OTOF: variants seen among roughly 807,000 people sequenced by gnomAD.
OTOF encodes fer-1-like family member 2.
In OTOF, 218 loss-of-function variants were observed where a neutral mutation model predicts 236.8. The ratio of observed to expected loss-of-function variants is 0.92; its 90% CI spans 0.82 to 1.03. The LOEUF is 1.03. Ranked by LOEUF, OTOF falls within the 50% of genes least tolerant of loss-of-function variation. OTOF has a pLI of 0.00. For synonymous variants in OTOF, 1,041 were observed against 1,072.5 expected, an observed-to-expected ratio of 0.97 and a Z score of 0.57; for missense variants, 2,590 against 2,694.4, an observed-to-expected ratio of 0.96 and a Z score of 0.86.
intron 2 of OTOF, among the ~76,000 whole-genome samples, chr2:26,529,561 G>A (rs1666890509): frequency 6.6e-6 from 1 of 152,114 alleles, no homozygotes; most frequent in African/African-American, 2.4e-5. Context: ...TCGGGAGGAG[G>A]CTTCTGTGAG....
chr2:26,518,876 G>A (rs1666602327), intron 4 of OTOF, 134 bp downstream of exon 4: 2 of 726,482 alleles, frequency 2.8e-6, no homozygotes, highest in Middle Eastern at 2.3e-4. Context: ...AGTCTGACCT[G>A]AGTCTCCTCC....
chr2:26,558,662 C>T lies in OTOF; in HGVS notation c.-91G>A, dbSNP rs139010880. On this transcript the variant is annotated 5_prime_UTR_variant, in exon 1 of 47. Transcript: ENST00000272371. Reference sequence around the variant, plus strand: ...GCTCACACGCCTCTCTCTTCTCTGCCGCTGCCTCCTCCTCCTCCTCCCGAC... The same window carrying T: ...GCTCACACGCCTCTCTCTTCTCTGCTGCTGCCTCCTCCTCCTCCTCCCGAC... The T allele has an allele frequency of 4.7e-4, 538 of 1,136,586 alleles. 2 individuals are homozygous for T. In the African/African-American group the frequency reaches 6.6e-3, roughly 14 times the overall value. The allele number at this position is 1,136,586 out of a possible 1,614,324, so 70.4% of individuals were successfully genotyped here.
chr2:26,460,456 C>T lies in OTOF; in HGVS notation c.5813+191G>A, dbSNP rs1426830027. On this transcript the variant is annotated intron_variant, in intron 45 of 46. Transcript: ENST00000272371. This position sits in a 1 kb window ranked among gnomAD's most constrained non-coding sequence, Gnocchi z 5.3. ...CTTTCCCAGGGAAGGTCCTGCTCTC[C>T]AGTATTCCTAGCCCATCCTCTGGTT... Among the ~76,000 whole-genome samples the T allele has an allele frequency of 1.3e-5, 2 of 152,208 alleles. No individual in the cohort carries two copies. The highest frequency in any genetic ancestry group is 4.8e-5 in the African/African-American group (2 of 41,462).
intron 31 of OTOF, 55 bp downstream of exon 31, chr2:26,471,066 A>G (rs1259947646): frequency 6.2e-7 from 1 of 1,603,008 alleles, no homozygotes; most frequent in African/African-American, 1.3e-5. Flanking sequence ...GCCTGACATC[A>G]TTGCCAATAA....
chr2:26,508,172 C>T (rs1333813540), intron 5 of OTOF, among the ~76,000 whole-genome samples: 1 of 152,148 alleles, frequency 6.6e-6, no homozygotes, highest in Admixed American at 6.6e-5. Context: ...TAGCTCAGGC[C>T]TCAGGTAATC....
chr2:26,484,000 G>A (rs1022139968), intron 12 of OTOF, among the ~76,000 whole-genome samples: 10 of 152,140 alleles, frequency 6.6e-5, no homozygotes, highest in African/African-American at 2.4e-4. Context: ...CGTATCTTTT[G>A]TTTCGTAGAC....
At chr2:26,489,798 A>T in intron 9 of OTOF, 58 bp from the exon 10 acceptor site, 1 of 1,343,352 alleles carries the variant, frequency 7.4e-7, no homozygotes, top group Non-Finnish European at 1.1e-6. Context: ...CAGCCCAGGC[A>T]GTGTTGGGCC....
chr2:26,486,941 G>C (rs1480617405), intron 11 of OTOF, among the ~76,000 whole-genome samples: 1 of 152,194 alleles, frequency 6.6e-6, no homozygotes, highest in Non-Finnish European at 1.5e-5. Context: ...AGCTGGGGAA[G>C]TTGCTGCATC....
chr2:26,461,557 C>T lies in OTOF; in HGVS notation c.5533+139G>A, dbSNP rs1001557371. The T allele has an allele frequency of 3.5e-5, 42 of 1,196,648 alleles. No homozygotes were observed. The Admixed American group carries it at 3.9e-4, about 11-fold the overall frequency. The allele number at this position is 1,196,648 out of a possible 1,614,324, so 74.1% of individuals were successfully genotyped here. ...TGGGTCCTTGGGGGCGGAACCCCGT[C>T]GGACACCCCTGGCTCTGATGGACTG... On this transcript the variant is annotated intron_variant, in intron 43 of 46. Transcript: ENST00000272371. The surrounding 1 kb of genome is among the most constrained non-coding windows in gnomAD (Gnocchi z 6.2).
intron 9 of OTOF, among the ~76,000 whole-genome samples, chr2:26,490,324 G>A (rs76633553): frequency 0.021 from 3,221 of 152,338 alleles, 121 homozygotes; most frequent in African/African-American, 0.073. Flanking sequence ...AATTCAGAGA[G>A]GTGAAACTGT....
intron 1 of OTOF, among the ~76,000 whole-genome samples, chr2:26,549,028 C>T (rs1035998885): frequency 6.6e-6 from 1 of 152,132 alleles, no homozygotes; most frequent in African/African-American, 2.4e-5. Context: ...TACAATTTTA[C>T]ACTTTTCTTC....
At chr2:26,500,428 G>A (rs1666088656) in intron 8 of OTOF, among the ~76,000 whole-genome samples, 1 of 152,168 alleles carries the variant, frequency 6.6e-6, no homozygotes, top group Non-Finnish European at 1.5e-5. Flanking sequence ...ACCTGAGTTG[G>A]GGTCGTTGTT....
intron 4 of OTOF, among the ~76,000 whole-genome samples, chr2:26,517,559 C>A (rs1315571770): frequency 1.3e-5 from 2 of 152,158 alleles, no homozygotes; most frequent in Non-Finnish European, 2.9e-5. Context: ...GAGCTGGGAT[C>A]TGAGCCCAGG....
rs143608910 is a variant in OTOF, at chr2:26,460,033, C to G, written c.5986G>C (p.Gly1996Arg). ...CCAGGAGGCCACTGGGCTCAGGCCCCGAGGATTTTCTTGACCAGGTAGCCA... is the reference window on the plus strand; with the variant it reads ...CCAGGAGGCCACTGGGCTCAGGCCCGGAGGATTTTCTTGACCAGGTAGCCA... ...VPGYLVKKIL[G>R]A Residue 1996 changes from glycine to arginine, a missense_variant, in exon 46 of 47, where the codon GGG becomes CGG. By Grantham distance (125) the Gly-to-Arg change is moderately radical (BLOSUM62 -2). This residue lies in a region of OTOF where 1,211 missense variants were observed against 1,352.8 expected (regional missense o/e 0.90). Transcript: ENST00000272371. This position sits in a 1 kb window ranked among gnomAD's most constrained non-coding sequence, Gnocchi z 5.3. 11 of 1,568,620 alleles carry G rather than the reference C, an allele frequency of 7.0e-6. No homozygotes were observed. The African/African-American group carries it at 1.3e-4, about 19-fold the overall frequency.
chr2:26,520,694 C>T (rs1666655922), intron 3 of OTOF, among the ~76,000 whole-genome samples: 1 of 152,174 alleles, frequency 6.6e-6, no homozygotes, highest in African/African-American at 2.4e-5. Flanking sequence ...GGGCCAGGAG[C>T]CCTGGAGCTG....
intron 5 of OTOF, among the ~76,000 whole-genome samples, chr2:26,504,412 T>C (rs1256815376): frequency 6.6e-6 from 1 of 152,156 alleles, no homozygotes; most frequent in East Asian, 1.9e-4. Context: ...AAAGCCTGAC[T>C]TGTCTTTCTC....
rs1664488188 is a variant in OTOF at position 26,461,994 on chromosome 2, C to T, written c.5292-57G>A. 2 of 1,613,376 alleles carry T rather than the reference C, an allele frequency of 1.2e-6. No individual in the cohort carries two copies. Among genetic ancestry groups the T allele is most frequent in the Admixed American group, 3.3e-5 (2 of 59,998 alleles). ...AGGCTGGTGGGGCCTCTCCCACCCA[C>T]AGCCACCTTCCCTCTGCCTCCTCTC... On this transcript the variant is annotated intron_variant, in intron 42 of 46. Coordinates refer to ENST00000272371, the MANE Select transcript of OTOF (RefSeq NM_194248.3). This position sits in a 1 kb window ranked among gnomAD's most constrained non-coding sequence, Gnocchi z 6.2.
chr2:26,470,678 G>T lies in OTOF; in HGVS notation c.3938C>A (p.Ala1313Glu). 1.2e-6 allele frequency: 2 copies of T among 1,613,758 alleles called. No individual in the cohort carries two copies. The highest frequency in any genetic ancestry group is 1.7e-6 in the Non-Finnish European group (2 of 1,179,804). Residue 1313 changes from alanine (A) to glutamate (E), a missense_variant, in exon 32 of 47, where the codon GCG (alanine) becomes GAG (glutamate). Around this residue, in one of 2 missense-constraint regions of OTOF, gnomAD observed 1,211 missense variants for 1,352.8 expected, o/e 0.90. Transcript: ENST00000272371. The surrounding 1 kb of genome is among the most constrained non-coding windows in gnomAD (Gnocchi z 4.3). ...TGGCTCCTCCTCCTCTGGCTCCTCC[G>T]CAGTGCCCTTCTTCTTCTTCTTCTT... The part of the protein sequence containing the change: ...KEKKKKKKGT[A>E]EEPEEEEPDE...
intron 39 of OTOF, 152 bp from the exon 40 acceptor site, chr2:26,464,258 G>A: frequency 3.0e-6 from 3 of 1,007,594 alleles, no homozygotes; most frequent in Non-Finnish European, 4.4e-6. Context: ...AGGCACAGAA[G>A]GAGAAGTGGC....
Sources: allele counts gnomAD v4.1 joint callset (sites outside exome capture counted in the v4.1 genomes callset), GRCh38; gene constraint gnomAD v4.1.1; regional missense constraint gnomAD v4.1.1; non-coding constraint Gnocchi (gnomAD v3.1); transcripts MANE v1.5; gene names NCBI Gene and HGNC (gene_info 2026-07-23, HGNC 2026-07-21).